The following COL4A5 variants were observed in gnomAD, a reference collection of about 807,000 sequenced individuals.
The protein encoded by COL4A5 is collagen alpha-5(IV) chain.
A neutral mutation model predicts 130.2 loss-of-function variants in COL4A5; 26 were observed. That is an observed-to-expected ratio of 0.20 (90% confidence interval 0.15 to 0.28). The LOEUF is 0.28. Among genes scored for constraint, COL4A5 ranks in the 10% least tolerant of loss-of-function variants. The pLI is 1.00. For synonymous variants in COL4A5, 496 were observed against 439.6 expected (o/e 1.13, Z -1.60); for missense variants, 1,131 against 1,344.3 (o/e 0.84, Z 2.48).
chrX:108,545,261 C>T (rs2065627815), intron 2 of COL4A5, among the ~76,000 whole-genome samples: 1 of 110,917 alleles, frequency 9.0e-6, no homozygotes, highest in Non-Finnish European at 1.9e-5. Flanking sequence ...TGTAAGTTTC[C>T]CTCTATACAC....
At chrX:108,457,104 A>G (rs925421327) in intron 1 of COL4A5, among the ~76,000 whole-genome samples, 2 of 111,987 alleles carry the variant, frequency 1.8e-5, no homozygotes, top group Non-Finnish European at 3.8e-5. Context: ...AATACCTAGT[A>G]CTGAGTCAGA....
intron 1 of COL4A5, among the ~76,000 whole-genome samples, chrX:108,451,115 A>G (rs1191817459): frequency 3.7e-5 from 4 of 108,630 alleles, no homozygotes; most frequent in Non-Finnish European, 5.7e-5. Flanking sequence ...TGTCTTTGCG[A>G]TAGTTTACTG....
chrX:108,508,423 G>A (rs981058265), intron 1 of COL4A5, among the ~76,000 whole-genome samples: 4 of 109,898 alleles, frequency 3.6e-5, no homozygotes, highest in African/African-American at 1.3e-4. Flanking sequence ...CCATGCTCAT[G>A]GATAGGAAAA....
intron 34 of COL4A5, 93 bp from the exon 35 acceptor site, chrX:108,625,606 TAATCCC>T: frequency 1.8e-6 from 1 of 545,427 alleles, no homozygotes; most frequent in Admixed American, 2.6e-5. Flanking sequence ...TTAATCCATC[TAATCCC>T]ATGTTTGCAT....
intron 36 of COL4A5, among the ~76,000 whole-genome samples, chrX:108,652,986 T>C (rs1193805474): frequency 1.8e-5 from 2 of 111,890 alleles, no homozygotes; most frequent in Admixed American, 1.9e-4. Context: ...TAGATTTGAA[T>C]TTTCCTTTCT....
intron 1 of COL4A5, among the ~76,000 whole-genome samples, chrX:108,530,938 A>T: frequency 9.9e-6 from 1 of 101,072 alleles, no homozygotes; most frequent in East Asian, 3.2e-4. Flanking sequence ...TATTCACAAT[A>T]GCAAAGACTT....
rs1405880798 is a variant in COL4A5, at chrX:108,494,627, C to T, written c.82-45119C>T. Among the ~76,000 whole-genome samples, 7 of 108,618 alleles carry T rather than the reference C, an allele frequency of 6.4e-5. No individual in the cohort carries two copies. In the East Asian group the frequency reaches 8.7e-4, roughly 13 times the overall value. 94.3% of individuals were successfully genotyped at this position (108,618 alleles called of 115,157 possible). On this transcript the variant is annotated intron_variant, in intron 1 of 52. Transcript: ENST00000328300. Reference sequence around the variant, plus strand: ...TTCAGTGCACTTCTAAGTTAGATAACGCAGAGGGAGGTTTATGTGGAAATG... The same window carrying T: ...TTCAGTGCACTTCTAAGTTAGATAATGCAGAGGGAGGTTTATGTGGAAATG...
intron 1 of COL4A5, among the ~76,000 whole-genome samples, chrX:108,506,311 GT>G (rs1207832660): frequency 2.2e-4 from 24 of 107,511 alleles, no homozygotes; most frequent in African/African-American, 7.1e-4. Context: ...TTTGATAATT[GT>G]TTTTTTTCCC....
intron 18 of COL4A5, 132 bp downstream of exon 18, chrX:108,584,657 T>G: frequency 1.8e-6 from 1 of 546,142 alleles, no homozygotes; most frequent in Non-Finnish European, 3.0e-6. Flanking sequence ...TTCTACTGGC[T>G]TAAAAGTCTT....
intron 1 of COL4A5, among the ~76,000 whole-genome samples, chrX:108,507,478 G>T (rs1405087056): frequency 9.0e-6 from 1 of 111,566 alleles, no homozygotes; most frequent in South Asian, 3.8e-4. Flanking sequence ...TCCACATGAT[G>T]ATCTCAATAG....
At chrX:108,682,120 A>G (rs935393724) in intron 47 of COL4A5, among the ~76,000 whole-genome samples, 1 of 110,431 alleles carries the variant, frequency 9.1e-6, no homozygotes, top group African/African-American at 3.3e-5. Context: ...ATGTGTTCTC[A>G]TTGTTCAACT....
intron 1 of COL4A5, among the ~76,000 whole-genome samples, chrX:108,476,988 G>A (rs751236908): frequency 9.4e-4 from 105 of 111,634 alleles, no homozygotes; most frequent in African/African-American, 3.4e-3. Context: ...AGGACAGGAA[G>A]CATACAGCAT....
chrX:108,481,423 G>A (rs943057857), intron 1 of COL4A5, among the ~76,000 whole-genome samples: 1 of 111,690 alleles, frequency 9.0e-6, no homozygotes, highest in Non-Finnish European at 1.9e-5. Context: ...ACTGGCTCAA[G>A]TCTGGAAATT....
intron 1 of COL4A5, among the ~76,000 whole-genome samples, chrX:108,473,877 C>T (rs1321039249): frequency 9.3e-6 from 1 of 107,535 alleles, no homozygotes; most frequent in Non-Finnish European, 1.9e-5. Context: ...AGTGATCTGC[C>T]TGCCTCTGCC....
At chrX:108,506,746 C>T (rs922543066) in intron 1 of COL4A5, among the ~76,000 whole-genome samples, 10 of 110,039 alleles carry the variant, frequency 9.1e-5, no homozygotes, top group East Asian at 5.7e-4. Context: ...GTCCATGGCC[C>T]GGGGGTTGGG....
intron 1 of COL4A5, among the ~76,000 whole-genome samples, chrX:108,537,615 G>A (rs969374209): frequency 4.5e-5 from 5 of 111,454 alleles, no homozygotes; most frequent in Non-Finnish European, 7.6e-5. Flanking sequence ...ATTTTTAGGA[G>A]CTTAATTTGT....
At chrX:108,504,413 C>T (rs1487513234) in intron 1 of COL4A5, among the ~76,000 whole-genome samples, 1 of 111,383 alleles carries the variant, frequency 9.0e-6, no homozygotes, top group East Asian at 2.8e-4. Flanking sequence ...CAAGCTTCTG[C>T]ATAGGAAAAA....
At chrX:108,453,422 C>A (rs1460491742) in intron 1 of COL4A5, among the ~76,000 whole-genome samples, 4 of 111,611 alleles carry the variant, frequency 3.6e-5, no homozygotes, top group African/African-American at 1.3e-4. Context: ...GTAAAATAAT[C>A]TCTCTTCCCA....
At position 108,631,398 on chromosome X, in the gene COL4A5, T is replaced by C. The variant is rs988622219; in HGVS notation, c.3246+5049T>C. On this transcript the variant is annotated intron_variant, in intron 36 of 52. Coordinates refer to ENST00000328300, the MANE Select transcript of COL4A5 (RefSeq NM_033380.3). ...CCCTTATAAGTTGTATTCCTAGGTATTTTATTCTTTTTGAAGCAATTGTGA... is the reference window on the plus strand; with the variant it reads ...CCCTTATAAGTTGTATTCCTAGGTACTTTATTCTTTTTGAAGCAATTGTGA... Among the ~76,000 whole-genome samples, 4 of 111,227 alleles carry C rather than the reference T, an allele frequency of 3.6e-5. No homozygotes were observed. The East Asian group carries it at 1.1e-3, about 32-fold the overall frequency.
Sources: allele counts gnomAD v4.1 joint callset (sites outside exome capture counted in the v4.1 genomes callset), GRCh38; gene constraint gnomAD v4.1.1; transcripts MANE v1.5; gene names NCBI Gene and HGNC (gene_info 2026-07-23, HGNC 2026-07-21).